The following B3GLCT variants were observed in gnomAD, a reference collection of about 807,000 sequenced individuals.
The protein encoded by B3GLCT is beta-1,3-glucosyltransferase.
A neutral mutation model predicts 63.4 loss-of-function variants in B3GLCT; 65 were observed. The observed-to-expected ratio is 1.03, with a 90% CI of 0.84 to 1.26. The LOEUF is 1.26. B3GLCT is among the 50% of genes most tolerant of loss of function. B3GLCT has a pLI of 0.00. For missense variants in B3GLCT, 577 were observed against 604.8 expected (o/e 0.95, Z 0.48); for synonymous variants, 233 against 219.2 (o/e 1.06, Z -0.55).
chr13:31,313,526 C>A (rs192952149), intron 12 of B3GLCT, among the ~76,000 whole-genome samples: 1 of 152,028 alleles, frequency 6.6e-6, no homozygotes, highest in Non-Finnish European at 1.5e-5. Context: ...ACTTTCAACT[C>A]GAGAGAGATG....
intron 1 of B3GLCT, among the ~76,000 whole-genome samples, chr13:31,213,818 G>T (rs1869418601): frequency 6.6e-6 from 1 of 152,020 alleles, no homozygotes; most frequent in Admixed American, 6.6e-5. Context: ...AGGTGGTCTT[G>T]GGGAGGCCTT....
intron 12 of B3GLCT, among the ~76,000 whole-genome samples, chr13:31,295,156 C>A (rs1405364972): frequency 6.6e-6 from 1 of 152,232 alleles, no homozygotes. Context: ...TGCAGAACAG[C>A]AAAGATTGCT....
At chr13:31,268,505 C>A (rs1872434961) in intron 7 of B3GLCT, among the ~76,000 whole-genome samples, 1 of 152,112 alleles carries the variant, frequency 6.6e-6, no homozygotes, top group Non-Finnish European at 1.5e-5. Context: ...CTCTGATGGG[C>A]AAACCTGGAA....
intron 12 of B3GLCT, among the ~76,000 whole-genome samples, chr13:31,300,830 TA>T (rs1048873635): frequency 6.6e-6 from 1 of 152,156 alleles, no homozygotes; most frequent in Admixed American, 6.5e-5. Context: ...TAAGGGATGA[TA>T]AAAAATACAC....
chr13:31,208,974 C>T (rs1869124751), intron 1 of B3GLCT, among the ~76,000 whole-genome samples: 1 of 152,146 alleles, frequency 6.6e-6, no homozygotes, highest in Admixed American at 6.5e-5. Context: ...GTCACCCCCT[C>T]CCCTCAAGGG....
intron 10 of B3GLCT, among the ~76,000 whole-genome samples, chr13:31,280,341 G>T (rs1593293859): frequency 6.6e-6 from 1 of 152,198 alleles, no homozygotes; most frequent in Non-Finnish European, 1.5e-5. Flanking sequence ...CTCCTGCCAT[G>T]GCTTCAGCCG....
chr13:31,235,935 G>A (rs2137784552), intron 4 of B3GLCT, among the ~76,000 whole-genome samples: 1 of 152,214 alleles, frequency 6.6e-6, no homozygotes, highest in South Asian at 2.1e-4. Flanking sequence ...TTTGCGACTG[G>A]CTTCTGTCAC....
intron 12 of B3GLCT, among the ~76,000 whole-genome samples, chr13:31,304,408 T>C (rs1256370680): frequency 4.6e-4 from 24 of 52,158 alleles, no homozygotes; most frequent in Middle Eastern, 0.011. Context: ...TCAAGACCCA[T>C]CAGTGTGCTG....
At chr13:31,308,155 G>A (rs1253767962) in intron 12 of B3GLCT, among the ~76,000 whole-genome samples, 1 of 43,532 alleles carries the variant, frequency 2.3e-5, no homozygotes, top group African/African-American at 7.0e-5. Context: ...ACACAGGAAG[G>A]GGAATATCAC....
In B3GLCT at chr13:31,332,114, A is replaced by T. The variant is rs9601137; in HGVS notation, c.*2446A>T. 6.6e-6 allele frequency: 1 copy of T among 152,216 alleles called. No homozygotes were observed. The highest frequency in any genetic ancestry group is 2.4e-5 in the African/African-American group (1 of 41,458). The allele number at this position is 152,216 out of a possible 1,614,324, so 9.4% of individuals were successfully genotyped here. On this transcript the variant is annotated 3_prime_UTR_variant, in exon 15 of 15. Coordinates refer to ENST00000343307, the MANE Select transcript of B3GLCT (RefSeq NM_194318.4). ...TGATGCTATGTATGGGTATGTAAAT[A>T]TCAGTGCTGTCTGCATTTCTGGGTT...
chr13:31,328,140 A>G (rs1265624577), intron 14 of B3GLCT, among the ~76,000 whole-genome samples: 1 of 152,248 alleles, frequency 6.6e-6, no homozygotes, highest in African/African-American at 2.4e-5. Flanking sequence ...GAAGTGAACC[A>G]TAATATTCTG....
chr13:31,237,023 G>A (rs1870685031), intron 4 of B3GLCT, among the ~76,000 whole-genome samples: 1 of 152,014 alleles, frequency 6.6e-6, no homozygotes, highest in African/African-American at 2.4e-5. Context: ...CTACTCTGGA[G>A]GCAGAGGCAG....
intron 6 of B3GLCT, among the ~76,000 whole-genome samples, chr13:31,258,352 C>T (rs1022939618): frequency 6.6e-6 from 1 of 152,164 alleles, no homozygotes; most frequent in African/African-American, 2.4e-5. Flanking sequence ...ATTGGTTCAT[C>T]TTTTTTTCTT....
chr13:31,235,454 G>A (rs1018058826), intron 4 of B3GLCT, among the ~76,000 whole-genome samples: 1 of 152,062 alleles, frequency 6.6e-6, no homozygotes, highest in Non-Finnish European at 1.5e-5. Context: ...GGAGCAGACT[G>A]AAGGGCCATA....
At chr13:31,228,034 A>T (rs574481917) in intron 3 of B3GLCT, among the ~76,000 whole-genome samples, 251 of 152,356 alleles carry the variant, frequency 1.6e-3, no homozygotes, top group Non-Finnish European at 2.6e-3. Context: ...TGCCATTGGC[A>T]AGCCCTCTGA....
intron 6 of B3GLCT, among the ~76,000 whole-genome samples, chr13:31,248,838 A>T (rs1483776774): frequency 2.6e-5 from 4 of 152,200 alleles, no homozygotes; most frequent in African/African-American, 9.6e-5. Flanking sequence ...GAATGACTTT[A>T]TAACCCTGTA....
At chr13:31,234,104 G>A (rs891805002) in intron 4 of B3GLCT, among the ~76,000 whole-genome samples, 2 of 151,316 alleles carry the variant, frequency 1.3e-5, no homozygotes, top group Non-Finnish European at 2.9e-5. Context: ...TGCAAGCTCC[G>A]CCTCCCGGGT....
At chr13:31,247,237 C>T in intron 5 of B3GLCT, 138 bp downstream of exon 5, 1 of 690,178 alleles carries the variant, frequency 1.4e-6, no homozygotes, top group Non-Finnish European at 2.6e-6. Flanking sequence ...TTTATGATTA[C>T]TACCTTAACC....
chr13:31,298,783 G>C (rs558054101), intron 12 of B3GLCT, among the ~76,000 whole-genome samples: 18 of 152,344 alleles, frequency 1.2e-4, no homozygotes, highest in African/African-American at 4.3e-4. Flanking sequence ...TGCAAAGCTA[G>C]TGGGTTATTT....
Sources: gnomAD v4.1 joint callset for allele counts (sites outside exome capture counted in the v4.1 genomes callset) on GRCh38, gnomAD v4.1.1 for gene constraint, MANE v1.5 for transcripts, NCBI Gene and HGNC (gene_info 2026-07-23, HGNC 2026-07-21) for gene names.